Variants in ADAMTS17 observed in about 807,000 individuals in gnomAD.
ADAMTS17 encodes ADAM metallopeptidase with thrombospondin type 1 motif 17.
ADAMTS17 carries 113 observed loss-of-function variants against 141.5 expected under a neutral mutation model. That is an observed-to-expected ratio of 0.80 (90% CI 0.69 to 0.93). The LOEUF (loss-of-function observed/expected upper bound fraction) is 0.93. Ranked by LOEUF, ADAMTS17 falls within the 40% of genes least tolerant of loss-of-function variation. ADAMTS17 has a pLI of 0.00. For synonymous variants in ADAMTS17, 768 were observed against 630.6 expected, an observed-to-expected ratio of 1.22 and a Z score of -3.27; for missense variants, 1,659 against 1,517.9, an observed-to-expected ratio of 1.09 and a Z score of -1.54.
Position 100,155,284 on chromosome 15 carries a change from G to C in ADAMTS17, c.1218C>G (p.Cys406Trp), listed in dbSNP as rs144918276. The part of the protein sequence containing the change: ...GMNHDDDHSS[C>W]AGRSHIMSGE... ...CTGACATGATGTGGGACCTGCCAGC[G>C]CAAGATGAGTGGTCATCGTCGTGGT... Residue 406 changes from cysteine to tryptophan, a missense_variant, in exon 9 of 22, where the codon TGC (cysteine) becomes TGG (tryptophan). Cys to Trp is a radical substitution (Grantham distance 215). Coordinates refer to ENST00000268070, the MANE Select transcript of ADAMTS17 (RefSeq NM_139057.4). 6.2e-7 allele frequency: 1 copy of C among 1,614,110 alleles called. No individual in the cohort carries two copies.
chr15:99,971,765 G>A lies in ADAMTS17; in HGVS notation c.*2637C>T, dbSNP rs529849561. On this transcript the variant is annotated 3_prime_UTR_variant, in exon 22 of 22. Transcript: ENST00000268070. ...CCAATAAAAATAGCACCGTAGGGTCGTGAGACTCTGGTAACACGTGCGTTA... is the reference window on the plus strand; with the variant it reads ...CCAATAAAAATAGCACCGTAGGGTCATGAGACTCTGGTAACACGTGCGTTA... 3 of 152,228 alleles carry A rather than the reference G, an allele frequency of 2.0e-5. No individual in the cohort carries two copies. Among genetic ancestry groups the A allele is most frequent in the East Asian group, 1.9e-4 (1 of 5,202 alleles). The allele number at this position is 152,228 out of a possible 1,614,324, so 9.4% of individuals were successfully genotyped here. A position where few individuals can be genotyped will look rare whatever the true frequency, so the allele number is the denominator to read the frequency against.
intron 20 of ADAMTS17, chr15:99,976,667 G>T: frequency 3.7e-6 from 1 of 272,206 alleles, no homozygotes; most frequent in South Asian, 4.1e-5. Context: ...GTGTGAGAAG[G>T]GAAAGAGACC....
At chr15:100,144,796 C>G (rs111727023) in intron 10 of ADAMTS17, among the ~76,000 whole-genome samples, 217 of 152,060 alleles carry the variant, frequency 1.4e-3, no homozygotes, top group African/African-American at 5.1e-3. Context: ...AACGCCACCC[C>G]CGAGACCAGG....
At chr15:100,114,158 CT>C (rs10712411) in intron 13 of ADAMTS17, among the ~76,000 whole-genome samples, 85,998 of 142,582 alleles carry the variant, frequency 0.6, 25,210 homozygotes, top group South Asian at 0.74. Flanking sequence ...ATTCTTTCTT[CT>C]TTTTTTTTTT....
At chr15:100,132,283 G>A in intron 11 of ADAMTS17, 131 bp from the exon 12 acceptor site, 1 of 1,278,956 alleles carries the variant, frequency 7.8e-7, no homozygotes, top group Non-Finnish European at 1.1e-6. Context: ...GTCTATTTCA[G>A]GGTTTGCACG....
At chr15:100,045,270 A>T (rs1158814798) in intron 18 of ADAMTS17, among the ~76,000 whole-genome samples, 1 of 152,228 alleles carries the variant, frequency 6.6e-6, no homozygotes, top group Non-Finnish European at 1.5e-5. Flanking sequence ...TAAATATTTT[A>T]TAAAATAATT....
intron 21 of ADAMTS17, 78 bp from the exon 22 acceptor site, chr15:99,974,640 T>C (rs1251722233): frequency 6.3e-7 from 1 of 1,583,256 alleles, no homozygotes; most frequent in East Asian, 2.2e-5. Flanking sequence ...GGAGGGCTTG[T>C]GGTCTGACCG....
chr15:100,117,093 G>T, intron 12 of ADAMTS17, 80 bp from the exon 13 acceptor site: 2 of 1,503,354 alleles, frequency 1.3e-6, no homozygotes, highest in Non-Finnish European at 9.0e-7. Flanking sequence ...CTCTTGCCAG[G>T]GGGAGGAGAG....
intron 8 of ADAMTS17, among the ~76,000 whole-genome samples, chr15:100,161,990 C>T (rs1352882055): frequency 6.6e-6 from 1 of 152,170 alleles, no homozygotes; most frequent in Non-Finnish European, 1.5e-5. Context: ...ATAGATTTAG[C>T]TGTACTTCAA....
intron 10 of ADAMTS17, among the ~76,000 whole-genome samples, chr15:100,141,771 T>C (rs1434046625): frequency 6.6e-6 from 1 of 152,218 alleles, no homozygotes; most frequent in Non-Finnish European, 1.5e-5. Flanking sequence ...AAAGGCAGTC[T>C]ACTGTAAACT....
chr15:100,111,289 G>A (rs569645466), intron 13 of ADAMTS17, among the ~76,000 whole-genome samples: 2 of 152,218 alleles, frequency 1.3e-5, no homozygotes, highest in Non-Finnish European at 2.9e-5. Flanking sequence ...CATGTTTCAG[G>A]TCTGATGGGA....
chr15:100,261,982 A>C (rs1298930343), intron 5 of ADAMTS17, among the ~76,000 whole-genome samples: 2 of 152,180 alleles, frequency 1.3e-5, no homozygotes, highest in Non-Finnish European at 2.9e-5. Flanking sequence ...CGCTCCATTG[A>C]AAGACCAGAA....
intron 18 of ADAMTS17, among the ~76,000 whole-genome samples, chr15:100,038,044 G>A (rs7180603): frequency 0.023 from 3,534 of 152,240 alleles, 134 homozygotes; most frequent in African/African-American, 0.082. Context: ...GTACAGGTGT[G>A]AGCCAATGCG....
intron 8 of ADAMTS17, among the ~76,000 whole-genome samples, chr15:100,165,138 A>C (rs772024554): frequency 7.2e-5 from 11 of 152,138 alleles, no homozygotes; most frequent in Non-Finnish European, 1.5e-4. Flanking sequence ...ATCTCTGTGA[A>C]ATGCTGTTTT....
In ADAMTS17 at chr15:100,341,047, CG is replaced by C; in HGVS notation, c.441del (p.Gly148AlafsTer15). On this transcript the variant is annotated frameshift_variant, in exon 2 of 22. Coordinates refer to ENST00000268070, the MANE Select transcript of ADAMTS17 (RefSeq NM_139057.4). LOFTEE classifies it high-confidence loss of function. Reference protein sequence around the residue: ...SLVSLSACGAAGGLVGLIQLG... With the variant: ...SLVSLSACGAXGGLVGLIQLG... Reference sequence around the variant, plus strand: ...GGTGGCGCGGGCAGTACCAGGCCGCCGGCGGCGCCGCAGGCGCTGAGCGAGA... The same window carrying C: ...GGTGGCGCGGGCAGTACCAGGCCGCCGCGGCGCCGCAGGCGCTGAGCGAGA... The C allele has an allele frequency of 6.6e-7, 1 of 1,523,200 alleles. No individual in the cohort carries two copies. Among genetic ancestry groups the C allele is most frequent in the Non-Finnish European group, 8.8e-7 (1 of 1,140,284 alleles). 94.4% of individuals were successfully genotyped at this position (1,523,200 alleles called of 1,614,324 possible).
At chr15:100,230,602 C>T (rs1386288168) in intron 7 of ADAMTS17, among the ~76,000 whole-genome samples, 1 of 152,218 alleles carries the variant, frequency 6.6e-6, no homozygotes, top group Non-Finnish European at 1.5e-5. Context: ...TTCATAACAG[C>T]TATCTCAGGC....
chr15:100,260,017 C>T (rs28544884), intron 6 of ADAMTS17, among the ~76,000 whole-genome samples: 4 of 151,928 alleles, frequency 2.6e-5, no homozygotes, highest in African/African-American at 9.7e-5. Flanking sequence ...GCTAATTTTT[C>T]TATTTTTAGT....
chr15:100,278,103 C>G (rs1419604991), intron 4 of ADAMTS17, among the ~76,000 whole-genome samples: 2 of 151,486 alleles, frequency 1.3e-5, no homozygotes, highest in African/African-American at 4.9e-5. Context: ...CAGATTCACA[C>G]AGATAGAAAG....
intron 10 of ADAMTS17, among the ~76,000 whole-genome samples, chr15:100,146,858 C>T (rs546662259): frequency 4.8e-5 from 6 of 125,634 alleles, no homozygotes; most frequent in Non-Finnish European, 8.9e-5. Context: ...TCTCCCATAG[C>T]GCTCCCAGGC....
Sources: gnomAD v4.1 joint callset for allele counts (sites outside exome capture counted in the v4.1 genomes callset) on GRCh38, gnomAD v4.1.1 for gene constraint, MANE v1.5 for transcripts, NCBI Gene and HGNC (gene_info 2026-07-23, HGNC 2026-07-21) for gene names.